Variants in CPED1 observed in about 807,000 individuals in gnomAD.
CPED1 encodes cadherin like and PC-esterase domain containing 1.
CPED1 carries 114 observed loss-of-function variants against 128.2 expected under a neutral mutation model. The observed-to-expected ratio is 0.89, with a 90% CI of 0.76 to 1.04. The LOEUF (loss-of-function observed/expected upper bound fraction) is 1.04, where lower values mean the gene tolerates loss of function less well. CPED1 is among the 50% of genes least tolerant of loss of function. CPED1 has a pLI of 0.00. For missense variants in CPED1, 1,211 were observed against 1,207.1 expected (o/e 1.00, Z -0.05); for synonymous variants, 462 against 426.7 (o/e 1.08, Z -1.02).
rs1176463709 is a variant in CPED1, at chr7:121,082,151, A to G, written c.617-15548A>G. ...TCATGCAACTTTGGGAAAAGTCCTT[A>G]GCCCATTTGAGCTGCTTTTCTAGAC... On this transcript the variant is annotated intron_variant, in intron 5 of 22. Coordinates refer to ENST00000310396, the MANE Select transcript of CPED1 (RefSeq NM_024913.5). Among the ~76,000 whole-genome samples the G allele has an allele frequency of 5.3e-5, 8 of 152,208 alleles. No homozygotes were observed. The East Asian group carries it at 9.6e-4, about 18-fold the overall frequency.
intron 21 of CPED1, among the ~76,000 whole-genome samples, chr7:121,267,835 A>G (rs1164780292): frequency 1.3e-5 from 2 of 151,964 alleles, no homozygotes; most frequent in Non-Finnish European, 1.5e-5. Flanking sequence ...CAGAGTAATG[A>G]CCCTGGTGAG....
In CPED1 at chr7:121,218,592, G is replaced by A. The variant is rs752577161; in HGVS notation, c.2056-18122G>A. The stretch of plus-strand genomic sequence containing the variant: ...GGTGGCAAACATCTGTTGTTGTTTG[G>A]TGTCACCATTGTTGGCAACTATACA... On this transcript the variant is annotated intron_variant, in intron 16 of 22. Transcript: ENST00000310396. 8.6e-5 allele frequency among the ~76,000 whole-genome samples: 13 copies of A among 152,012 alleles called. No individual in the cohort carries two copies. In the East Asian group the frequency reaches 1.6e-3, roughly 18 times the overall value.
intron 16 of CPED1, among the ~76,000 whole-genome samples, chr7:121,163,590 T>A (rs1436363309): frequency 3.3e-5 from 5 of 152,230 alleles, no homozygotes; most frequent in Admixed American, 1.3e-4. Context: ...TGTTCCAAAT[T>A]TGAAATCTTA....
intron 22 of CPED1, among the ~76,000 whole-genome samples, chr7:121,278,997 T>TTAC (rs1392574394): frequency 6.6e-6 from 1 of 152,188 alleles, no homozygotes; most frequent in Non-Finnish European, 1.5e-5. Flanking sequence ...AGGGAGTTTA[T>TTAC]TACTAGCCTT....
Position 121,251,514 on chromosome 7 carries a change from G to A in CPED1, c.2310+7176G>A, listed in dbSNP as rs376034898. Among the ~76,000 whole-genome samples the A allele has an allele frequency of 3.5e-4, 53 of 152,274 alleles. No individual in the cohort carries two copies. In the East Asian group the frequency reaches 9.3e-3, roughly 27 times the overall value. ...TAAAGGGCATTCAATTAGGAAAAGA[G>A]GAAGTCAAATTGTCCCTGTTTGCAG... is the stretch of plus-strand genomic sequence containing the variant. On this transcript the variant is annotated intron_variant, in intron 18 of 22. Transcript: ENST00000310396.
intron 7 of CPED1, among the ~76,000 whole-genome samples, chr7:121,115,606 A>T (rs1466763233): frequency 1.3e-5 from 2 of 152,328 alleles, no homozygotes; most frequent in South Asian, 2.1e-4. Context: ...GAGATATGAG[A>T]TAGGTATCTT....
Position 121,142,092 on chromosome 7 carries a change from G to T in CPED1, c.2006G>T (p.Arg669Leu). The stretch of plus-strand genomic sequence containing the variant: ...AAACTCACCATCTATAGAGAAGACC[G>T]CCCAAGTCTGCCCTTGTTTGAGGCC... ...TYKLTIYRED[R>L]PSLPLFEAFT... The change falls in exon 16 of 23, where the codon CGC becomes CTC. Residue 669 changes from arginine (R) to leucine (L), a missense_variant. Physicochemically the swap from Arg to Leu is moderately radical, Grantham distance 102 (BLOSUM62 -2). Coordinates refer to ENST00000310396, the MANE Select transcript of CPED1 (RefSeq NM_024913.5). 6.2e-7 allele frequency: 1 copy of T among 1,612,212 alleles called. No individual in the cohort carries two copies. Among genetic ancestry groups the T allele is most frequent in the Non-Finnish European group, 8.5e-7 (1 of 1,178,732 alleles).
rs533912827 is a variant in CPED1 at position 121,015,996 on chromosome 7, CT to C, written c.433+156del. On this transcript the variant is annotated intron_variant, in intron 3 of 22. Transcript: ENST00000310396. ...TTCTCACATCATAGAAAACTTATCT[CT>C]TTTTTTTAACTTCCCCTCTATTTTT... 1.2e-3 allele frequency: 589 copies of C among 488,396 alleles called. 6 individuals carry two copies. The highest frequency in any genetic ancestry group is 0.01 in the African/African-American group (505 of 49,864). The allele number at this position is 488,396 out of a possible 1,614,324, so 30.3% of individuals were successfully genotyped here.
At chr7:121,242,371 T>C (rs934832884) in intron 17 of CPED1, among the ~76,000 whole-genome samples, 6 of 152,308 alleles carry the variant, frequency 3.9e-5, no homozygotes, top group African/African-American at 1.4e-4. Context: ...GGGTTGTTGA[T>C]GTTTAAATAT....
intron 16 of CPED1, among the ~76,000 whole-genome samples, chr7:121,159,510 G>C (rs1796364686): frequency 1.3e-5 from 2 of 152,144 alleles, no homozygotes; most frequent in South Asian, 2.1e-4. Context: ...AGAATTTGAA[G>C]TTAGATACAT....
At chr7:121,029,524 C>T (rs577579912) in intron 3 of CPED1, among the ~76,000 whole-genome samples, 6 of 152,212 alleles carry the variant, frequency 3.9e-5, no homozygotes, top group East Asian at 3.9e-4. Context: ...ATGGCAGGCA[C>T]GTTCCACAGC....
intron 18 of CPED1, among the ~76,000 whole-genome samples, chr7:121,246,771 C>A (rs772403972): frequency 6.6e-6 from 1 of 151,996 alleles, no homozygotes; most frequent in Non-Finnish European, 1.5e-5. Context: ...AAAAAAAGAT[C>A]ATTGTTCATA....
rs1262212993 is a variant in CPED1, at chr7:121,130,141, C to T, written c.1424C>T (p.Thr475Ile). The T allele has an allele frequency of 6.2e-7, 1 of 1,612,252 alleles. No homozygotes were observed. Among genetic ancestry groups the T allele is most frequent in the South Asian group, 1.1e-5 (1 of 91,000 alleles). The change falls in exon 12 of 23, where the codon ACT (threonine) becomes ATT (isoleucine). Residue 475 changes from threonine (T) to isoleucine (I), a missense_variant. Coordinates refer to ENST00000310396, the MANE Select transcript of CPED1 (RefSeq NM_024913.5). ...GQFQLLFPST[T>I]PGIQSLMHEF... The stretch of plus-strand genomic sequence containing the variant: ...TGTTCTCAGCTCTTCCCATCTACTA[C>T]TCCTGGGATTCAGTCACTGATGCAT...
intron 18 of CPED1, among the ~76,000 whole-genome samples, chr7:121,260,181 A>G (rs1466474972): frequency 4.0e-5 from 6 of 149,960 alleles, no homozygotes; most frequent in Admixed American, 4.0e-4. Flanking sequence ...AAGCAGCTAG[A>G]AGAGCTATGC....
chr7:121,268,544 T>C (rs773645755), intron 21 of CPED1, among the ~76,000 whole-genome samples: 6 of 151,986 alleles, frequency 3.9e-5, no homozygotes, highest in Non-Finnish European at 7.4e-5. Context: ...AGAAAACAAA[T>C]TCAAACTTCT....
intron 16 of CPED1, among the ~76,000 whole-genome samples, chr7:121,161,779 A>G (rs1796417330): frequency 6.6e-6 from 1 of 152,362 alleles, no homozygotes; most frequent in African/African-American, 2.4e-5. Flanking sequence ...ACTGGCAATT[A>G]CTAAAGTGTA....
chr7:121,017,536 A>G (rs1792332748), intron 3 of CPED1, among the ~76,000 whole-genome samples: 1 of 152,192 alleles, frequency 6.6e-6, no homozygotes, highest in Non-Finnish European at 1.5e-5. Context: ...GCACACTGCC[A>G]TGGGACCCAT....
intron 4 of CPED1, among the ~76,000 whole-genome samples, chr7:121,048,973 C>A (rs1418602927): frequency 7.2e-6 from 1 of 138,088 alleles, no homozygotes; most frequent in East Asian, 2.2e-4. Flanking sequence ...AATATTTTAC[C>A]CCTGAAATCT....
chr7:121,258,081 A>G (rs1326504113), intron 18 of CPED1, among the ~76,000 whole-genome samples: 2 of 152,068 alleles, frequency 1.3e-5, no homozygotes, highest in African/African-American at 2.4e-5. Context: ...CACCAGATGA[A>G]ATGATTCTTT....
Sources: gnomAD v4.1 joint callset for allele counts (sites outside exome capture counted in the v4.1 genomes callset) on GRCh38, gnomAD v4.1.1 for gene constraint, MANE v1.5 for transcripts, NCBI Gene and HGNC (gene_info 2026-07-23, HGNC 2026-07-21) for gene names.